OSBPL2: variants seen among roughly 807,000 people sequenced by gnomAD.
OSBPL2 encodes the protein oxysterol binding protein like 2, also known as oxysterol-binding protein-related protein 2.
Under a neutral mutation model 58.4 loss-of-function variants are expected in OSBPL2, and 18 were observed. That is an observed-to-expected ratio of 0.31 (90% CI 0.21 to 0.46). The LOEUF (loss-of-function observed/expected upper bound fraction) is 0.46. OSBPL2 is among the 20% of genes least tolerant of loss of function. The pLI, the probability that OSBPL2 is intolerant of heterozygous loss-of-function variation, is 1.00. For missense variants in OSBPL2, 461 were observed against 616.5 expected, an observed-to-expected ratio of 0.75 and a Z score of 2.67; for synonymous variants, 221 against 234.1, an observed-to-expected ratio of 0.94 and a Z score of 0.51.
At chr20:62,283,107 G>A (rs201741506) in intron 9 of OSBPL2, among the ~76,000 whole-genome samples, 1 of 152,108 alleles carries the variant, frequency 6.6e-6, no homozygotes, top group African/African-American at 2.4e-5. Context: ...GCCAACACTC[G>A]CTGACCCTCA....
rs148332644 is a variant in OSBPL2, at chr20:62,260,950, G to A, written c.182+825G>A. Among the ~76,000 whole-genome samples, 259 of 152,160 alleles carry A rather than the reference G, an allele frequency of 1.7e-3. 1 individual carries two copies. Among genetic ancestry groups the A allele is most frequent in the East Asian group, 4.5e-3 (23 of 5,164 alleles). The stretch of plus-strand genomic sequence containing the variant: ...GGCTATGGTGAGCTACGATGGCGCC[G>A]CTGCACTCTAGTATGGGCAACAGAG... On this transcript the variant is annotated intron_variant, in intron 3 of 13. Coordinates refer to ENST00000313733, the MANE Select transcript of OSBPL2 (RefSeq NM_144498.4).
At chr20:62,259,756 T>G (rs201694253) in intron 2 of OSBPL2, among the ~76,000 whole-genome samples, 1 of 60,456 alleles carries the variant, frequency 1.7e-5, no homozygotes, top group East Asian at 8.8e-4. Context: ...GCCTGGGCAC[T>G]GGAGCTCGCT....
intron 4 of OSBPL2, chr20:62,271,866 G>A (rs765776772): frequency 2.0e-4 from 86 of 431,322 alleles, no homozygotes; most frequent in Admixed American, 2.8e-4. Context: ...GGTGGGCTGG[G>A]GAGGCAGAGA....
intron 1 of OSBPL2, among the ~76,000 whole-genome samples, chr20:62,251,701 C>T (rs1022050933): frequency 6.6e-6 from 1 of 151,910 alleles, no homozygotes; most frequent in Non-Finnish European, 1.5e-5. Flanking sequence ...AGCCACTGCG[C>T]CTGGCCTGTC....
chr20:62,265,711 T>C (rs1981617434), intron 4 of OSBPL2, among the ~76,000 whole-genome samples: 1 of 152,250 alleles, frequency 6.6e-6, no homozygotes, highest in African/African-American at 2.4e-5. Context: ...TTCTCTTTTC[T>C]GCAATGTTTT....
intron 2 of OSBPL2, 100 bp from the exon 3 acceptor site, chr20:62,259,881 G>A: frequency 1.9e-6 from 2 of 1,041,784 alleles, no homozygotes; most frequent in Non-Finnish European, 2.9e-6. Context: ...ACACAACTGA[G>A]CTCTGTAGTC....
At position 62,291,533 on chromosome 20, in the gene OSBPL2, G is replaced by C. The variant is rs1568855458; in HGVS notation, c.1250-170G>C. The stretch of plus-strand genomic sequence containing the variant: ...GAAGGGCCCTGTTGGCGTGCCGGCC[G>C]CTGTGGCCTCGGCAACTGTGATTGT... On this transcript the variant is annotated intron_variant, in intron 12 of 13. Coordinates refer to ENST00000313733, the MANE Select transcript of OSBPL2 (RefSeq NM_144498.4). The C allele has an allele frequency of 7.4e-6, 5 of 673,704 alleles. No homozygotes were observed. The East Asian group carries it at 1.4e-4, about 19-fold the overall frequency. 41.7% of individuals were successfully genotyped at this position (673,704 alleles called of 1,614,324 possible).
intron 9 of OSBPL2, among the ~76,000 whole-genome samples, chr20:62,283,182 C>G (rs969960930): frequency 1.3e-5 from 2 of 152,210 alleles, no homozygotes; most frequent in Admixed American, 1.3e-4. Context: ...ACTCGCTGAC[C>G]TTCAGTGAGT....
At position 62,281,774 on chromosome 20, in the gene OSBPL2, T is replaced by TTTG; in HGVS notation, c.783-13_783-11dup. 1 of 1,584,744 alleles carries TTTG rather than the reference T, an allele frequency of 6.3e-7. No individual in the cohort carries two copies. Among genetic ancestry groups the TTTG allele is most frequent in the Non-Finnish European group, 8.7e-7 (1 of 1,154,320 alleles). On this transcript the variant is annotated splice_polypyrimidine_tract_variant and intron_variant, in intron 8 of 13. Transcript: ENST00000313733. ...TGCTGTCTTGCAGCAGAAACCTGTG[T>TTTG]TTGTTTTTCTCACAGAACTGGACAT...
chr20:62,286,386 G>T, intron 10 of OSBPL2, 197 bp from the exon 11 acceptor site: 2 of 549,414 alleles, frequency 3.6e-6, no homozygotes, highest in Admixed American at 2.9e-5. Context: ...GGAGGCAGAG[G>T]TTGCAGTGAC....
intron 13 of OSBPL2, among the ~76,000 whole-genome samples, chr20:62,292,057 C>T (rs904578493): frequency 1.3e-5 from 2 of 152,226 alleles, no homozygotes; most frequent in Non-Finnish European, 2.9e-5. Flanking sequence ...CCTAGCTTAG[C>T]GCACACTTTG....
intron 4 of OSBPL2, among the ~76,000 whole-genome samples, chr20:62,271,398 C>T (rs962148106): frequency 2.0e-5 from 3 of 152,208 alleles, no homozygotes; most frequent in Non-Finnish European, 4.4e-5. Context: ...CCTGGAGGGA[C>T]GGGAAGCCAG....
At chr20:62,244,703 C>T (rs1979977607) in intron 1 of OSBPL2, among the ~76,000 whole-genome samples, 1 of 152,232 alleles carries the variant, frequency 6.6e-6, no homozygotes, top group South Asian at 2.1e-4. Context: ...AAGTCAGCGA[C>T]AAGACTTGAG....
intron 1 of OSBPL2, among the ~76,000 whole-genome samples, chr20:62,246,423 T>C (rs1980118437): frequency 6.6e-6 from 1 of 152,142 alleles, no homozygotes; most frequent in Non-Finnish European, 1.5e-5. Context: ...AGCTGTGAAA[T>C]GTTGAGTCTT....
intron 1 of OSBPL2, among the ~76,000 whole-genome samples, chr20:62,248,608 C>T (rs939733457): frequency 6.6e-5 from 10 of 152,186 alleles, no homozygotes; most frequent in Non-Finnish European, 1.2e-4. Flanking sequence ...TCCAGCAGGT[C>T]GCCCGTGGTG....
Position 62,272,282 on chromosome 20 carries a change from A to G in OSBPL2, c.393+23A>G. ...CAGGTGGGCCTTAGGGGTGCCAGGC[A>G]GGAGTTTGTCATGAAAGTGATGCCC... On this transcript the variant is annotated intron_variant, in intron 5 of 13. Coordinates refer to ENST00000313733, the MANE Select transcript of OSBPL2 (RefSeq NM_144498.4). 6 of 1,609,804 alleles carry G rather than the reference A, an allele frequency of 3.7e-6. No individual in the cohort carries two copies. In the South Asian group the frequency reaches 6.6e-5, roughly 18 times the overall value.
intron 3 of OSBPL2, among the ~76,000 whole-genome samples, chr20:62,260,551 C>G (rs1396175791): frequency 6.6e-6 from 1 of 152,174 alleles, no homozygotes; most frequent in Non-Finnish European, 1.5e-5. Context: ...CAGCGGAGTT[C>G]TATTGCAGTG....
intron 8 of OSBPL2, chr20:62,281,397 T>C (rs1360524275): frequency 3.6e-6 from 2 of 550,002 alleles, no homozygotes; most frequent in African/African-American, 3.8e-5. Context: ...CTTTAAGGCT[T>C]TGAGCTATGC....
At chr20:62,279,097 C>G in intron 6 of OSBPL2, 60 bp from the exon 7 acceptor site, 1 of 1,427,402 alleles carries the variant, frequency 7.0e-7, no homozygotes, top group Non-Finnish European at 9.6e-7. Context: ...GATGTCTGAG[C>G]TGCCCTTTCT....
Sources: allele counts gnomAD v4.1 joint callset (sites outside exome capture counted in the v4.1 genomes callset), GRCh38; gene constraint gnomAD v4.1.1; transcripts MANE v1.5; gene names NCBI Gene and HGNC (gene_info 2026-07-23, HGNC 2026-07-21).